PKD2: variants seen among roughly 807,000 people sequenced by gnomAD.
PKD2 encodes the protein polycystin-2.
In PKD2, 48 loss-of-function variants were observed where a neutral mutation model predicts 105.9. The observed-to-expected ratio is 0.45, with a 90% CI of 0.36 to 0.58. PKD2 has a LOEUF of 0.58. Ranked by LOEUF, PKD2 falls within the 20% of genes least tolerant of loss-of-function variation. PKD2 has a pLI of 0.00. For missense variants in PKD2, 1,078 were observed against 1,255.3 expected (o/e 0.86, Z 2.13); for synonymous variants, 464 against 481.1 (o/e 0.96, Z 0.46).
At chr4:88,040,358 C>G (rs1727515325) in intron 4 of PKD2, among the ~76,000 whole-genome samples, 1 of 152,320 alleles carries the variant, frequency 6.6e-6, no homozygotes, top group African/African-American at 2.4e-5. Context: ...CTGCTGTATT[C>G]TCAAAGCCTT....
At chr4:88,068,183 T>C in intron 13 of PKD2, 122 bp downstream of exon 13, 3 of 905,312 alleles carry the variant, frequency 3.3e-6, no homozygotes, top group Non-Finnish European at 3.6e-6. Flanking sequence ...AAAAATAACT[T>C]ATACTGGCCA....
intron 11 of PKD2, 36 bp downstream of exon 11, chr4:88,065,531 C>T (rs1193296829): frequency 6.2e-6 from 10 of 1,606,082 alleles, no homozygotes; most frequent in Non-Finnish European, 8.5e-6. Flanking sequence ...TGAAAAATTC[C>T]TGCTTCTAAA....
intron 2 of PKD2, among the ~76,000 whole-genome samples, chr4:88,020,672 G>C (rs1726716072): frequency 2.0e-5 from 3 of 151,230 alleles, no homozygotes; most frequent in South Asian, 4.2e-4. Context: ...ACTCCTCTGA[G>C]AAAAGGTTTC....
intron 6 of PKD2, among the ~76,000 whole-genome samples, chr4:88,047,242 A>G (rs1727810711): frequency 6.6e-6 from 1 of 151,788 alleles, no homozygotes. Flanking sequence ...TTTCCTGCAC[A>G]TGTGTGAAGT....
intron 10 of PKD2, 45 bp from the exon 11 acceptor site, chr4:88,065,326 AAGG>A (rs749780801): frequency 2.5e-6 from 4 of 1,574,012 alleles, no homozygotes; most frequent in Admixed American, 1.7e-5. Flanking sequence ...ACAGATGCAA[AAGG>A]AGAATACACT....
At chr4:88,032,033 A>AT (rs1233616688) in intron 2 of PKD2, among the ~76,000 whole-genome samples, 1 of 152,066 alleles carries the variant, frequency 6.6e-6, no homozygotes. Flanking sequence ...ATGCGTTTTT[A>AT]TTTTTTAACC....
intron 2 of PKD2, among the ~76,000 whole-genome samples, chr4:88,023,432 C>T (rs544051259): frequency 1.5e-4 from 23 of 152,330 alleles, no homozygotes; most frequent in Non-Finnish European, 2.6e-4. Context: ...CTGATCACCT[C>T]GTACCAGGCC....
At chr4:88,065,672 C>T in intron 11 of PKD2, 90 bp from the exon 12 acceptor site, 1 of 1,198,128 alleles carries the variant, frequency 8.3e-7, no homozygotes, top group Non-Finnish European at 1.2e-6. Context: ...TTGGTGATTT[C>T]TCCTTTCCTC....
intron 1 of PKD2, among the ~76,000 whole-genome samples, chr4:88,013,905 T>G (rs1471196442): frequency 6.6e-6 from 1 of 152,160 alleles, no homozygotes; most frequent in Admixed American, 6.5e-5. Context: ...TGTAGACATT[T>G]GGAGCCAGTG....
At chr4:88,044,468 T>C (rs2110113456) in intron 5 of PKD2, among the ~76,000 whole-genome samples, 2 of 152,346 alleles carry the variant, frequency 1.3e-5, no homozygotes, top group South Asian at 4.1e-4. Context: ...TCCCAGTCCT[T>C]GTATTTAACA....
At chr4:88,008,476 C>T (rs530585602) in intron 1 of PKD2, 148 bp downstream of exon 1, 3 of 1,044,768 alleles carry the variant, frequency 2.9e-6, no homozygotes, top group Non-Finnish European at 1.3e-6. Flanking sequence ...CCCACCTCCG[C>T]TAGTGCTGCC....
At chr4:88,059,338 G>A (rs1371171715) in intron 9 of PKD2, among the ~76,000 whole-genome samples, 3 of 152,132 alleles carry the variant, frequency 2.0e-5, no homozygotes, top group African/African-American at 7.2e-5. Flanking sequence ...ACAATGGAGA[G>A]AAGAATAAGC....
rs551231575 is a variant in PKD2 at position 88,010,173 on chromosome 4, C to T, written c.595+1845C>T. Among the ~76,000 whole-genome samples, 6 of 151,754 alleles carry T rather than the reference C, an allele frequency of 4.0e-5. No individual in the cohort carries two copies. In the South Asian group the frequency reaches 1.0e-3, roughly 26 times the overall value. On this transcript the variant is annotated intron_variant, in intron 1 of 14. Transcript: ENST00000237596. ...GCGGGGAAGCAAACGTAGCTCACTG[C>T]GGCCTCAAACTCCTGGGCTCAAGCT...
intron 10 of PKD2, 106 bp downstream of exon 10, chr4:88,062,110 TAAAG>T (rs1720598529): frequency 1.4e-6 from 1 of 711,286 alleles, no homozygotes; most frequent in Non-Finnish European, 2.6e-6. Context: ...TTGTTTGAAA[TAAAG>T]AATACATTGC....
chr4:88,013,062 T>G (rs1726441275), intron 1 of PKD2, among the ~76,000 whole-genome samples: 1 of 152,216 alleles, frequency 6.6e-6, no homozygotes, highest in Non-Finnish European at 1.5e-5. Flanking sequence ...TTTTTCCACC[T>G]TTCGACTGTT....
chr4:88,009,969 A>G (rs1453848459), intron 1 of PKD2, among the ~76,000 whole-genome samples: 1 of 152,224 alleles, frequency 6.6e-6, no homozygotes, highest in Non-Finnish European at 1.5e-5. Flanking sequence ...ATGAGTATGT[A>G]TGTAAATTTA....
intron 13 of PKD2, among the ~76,000 whole-genome samples, chr4:88,072,434 T>C (rs1721070141): frequency 6.6e-6 from 1 of 152,196 alleles, no homozygotes; most frequent in Admixed American, 6.5e-5. Flanking sequence ...GCATCGTTAG[T>C]CTTTAATTTC....
intron 10 of PKD2, among the ~76,000 whole-genome samples, chr4:88,064,693 A>T (rs1006058845): frequency 1.3e-5 from 2 of 151,602 alleles, no homozygotes; most frequent in African/African-American, 4.8e-5. Flanking sequence ...GGAGTTCAAC[A>T]CCAGCCTGGG....
Position 88,065,472 on chromosome 4 carries a change from C to G in PKD2, c.2217C>G (p.Asp739Glu). ...LRQGGGKLNF[D>E]ELRQDLKGKG... The stretch of plus-strand genomic sequence containing the variant: ...AAGGAGGAGGCAAGTTAAACTTTGA[C>G]GAACTTCGACAAGATCTCAAAGGGT... The change falls in exon 11 of 15, where the codon GAC (aspartate) becomes GAG (glutamate). Residue 739 changes from aspartate (D) to glutamate (E), a missense_variant. Asp to Glu is a conservative substitution (Grantham distance 45). Coordinates refer to ENST00000237596, the MANE Select transcript of PKD2 (RefSeq NM_000297.4). 1 of 1,613,560 alleles carries G rather than the reference C, an allele frequency of 6.2e-7. No homozygotes were observed. The highest frequency in any genetic ancestry group is 8.5e-7 in the Non-Finnish European group (1 of 1,179,562).
Sources: gnomAD v4.1 joint callset for allele counts (sites outside exome capture counted in the v4.1 genomes callset) on GRCh38, gnomAD v4.1.1 for gene constraint, MANE v1.5 for transcripts, NCBI Gene and HGNC (gene_info 2026-07-23, HGNC 2026-07-21) for gene names.